Variants in ZIM2 observed in about 807,000 individuals in gnomAD.
The protein encoded by ZIM2 is zinc finger protein 656.
A neutral mutation model predicts 38.6 loss-of-function variants in ZIM2; 14 were observed. The observed-to-expected ratio is 0.36, with a 90% confidence interval of 0.24 to 0.57. ZIM2 has a LOEUF of 0.57. Ranked by LOEUF, ZIM2 falls within the 20% of genes least tolerant of loss-of-function variation. The pLI, the probability that ZIM2 is intolerant of heterozygous loss-of-function variation, is 0.81. For synonymous variants in ZIM2, 247 were observed against 245.8 expected (o/e 1.00, Z -0.04); for missense variants, 680 against 695.1 (o/e 0.98, Z 0.24).
chr19:56,838,603 C>T (rs1380512959), intron 1 of ZIM2, among the ~76,000 whole-genome samples: 1 of 152,200 alleles, frequency 6.6e-6, no homozygotes. Context: ...AGGGGTGAGC[C>T]TCTGCCACCG....
At chr19:56,818,305 T>C (rs2060169422) in intron 8 of ZIM2, among the ~76,000 whole-genome samples, 1 of 152,158 alleles carries the variant, frequency 6.6e-6, no homozygotes, top group African/African-American at 2.4e-5. Context: ...CCTGAATGTC[T>C]ACTTAAAAAC....
intron 9 of ZIM2, among the ~76,000 whole-genome samples, chr19:56,802,594 C>A (rs967328751): frequency 6.6e-6 from 1 of 152,202 alleles, no homozygotes; most frequent in African/African-American, 2.4e-5. Flanking sequence ...CTATGGTCCA[C>A]TCTGCCTCCA....
intron 10 of ZIM2, among the ~76,000 whole-genome samples, chr19:56,785,654 CTAT>C (rs1305068257): frequency 6.6e-6 from 1 of 152,176 alleles, no homozygotes; most frequent in African/African-American, 2.4e-5. Flanking sequence ...TTCATTTACA[CTAT>C]TTTCATTGTT....
intron 9 of ZIM2, chr19:56,815,416 C>A (rs200013268): frequency 6.2e-7 from 1 of 1,614,076 alleles, no homozygotes; most frequent in Non-Finnish European, 8.5e-7. Context: ...AGGGGCCAAG[C>A]TGCGAATGAC....
Position 56,824,309 on chromosome 19 carries a change from T to C in ZIM2, c.-32A>G. The stretch of plus-strand genomic sequence containing the variant: ...GTAATTCTCCAGCAGAGTGACGAGC[T>C]TCTCACAGTTCTCCGGCTTTTTTGC... On this transcript the variant is annotated 5_prime_UTR_variant, in exon 4 of 13. Coordinates refer to ENST00000629319, the MANE Select transcript of ZIM2 (RefSeq NM_001387356.1). 1 of 1,614,086 alleles carries C rather than the reference T, an allele frequency of 6.2e-7. No homozygotes were observed. Among genetic ancestry groups the C allele is most frequent in the Non-Finnish European group, 8.5e-7 (1 of 1,180,028 alleles).
chr19:56,825,165 C>T (rs909969784), intron 3 of ZIM2, among the ~76,000 whole-genome samples: 1 of 152,180 alleles, frequency 6.6e-6, no homozygotes, highest in African/African-American at 2.4e-5. Context: ...GACGTCAGCA[C>T]GTTTATTAGC....
At chr19:56,801,137 C>T (rs1237024531) in intron 9 of ZIM2, among the ~76,000 whole-genome samples, 1 of 151,912 alleles carries the variant, frequency 6.6e-6, no homozygotes, top group Admixed American at 6.6e-5. Flanking sequence ...GGGCATTCAT[C>T]ATGTTGGCCA....
intron 10 of ZIM2, among the ~76,000 whole-genome samples, chr19:56,788,476 C>A (rs889533851): frequency 6.6e-6 from 1 of 152,102 alleles, no homozygotes; most frequent in African/African-American, 2.4e-5. Context: ...TATTGACCTC[C>A]ACTCTCTTCT....
chr19:56,805,161 G>A (rs1297635524), intron 9 of ZIM2, among the ~76,000 whole-genome samples: 1 of 152,152 alleles, frequency 6.6e-6, no homozygotes, highest in Non-Finnish European at 1.5e-5. Context: ...GCATTATAGG[G>A]TATTGAGCAG....
intron 2 of ZIM2, among the ~76,000 whole-genome samples, chr19:56,830,363 C>T (rs1455399837): frequency 6.6e-6 from 1 of 152,312 alleles, no homozygotes; most frequent in Admixed American, 6.5e-5. Context: ...GGGGAGCCCA[C>T]AAGCAGTATT....
At chr19:56,823,751 G>C (rs1256432877) in intron 4 of ZIM2, 72 bp from the exon 5 acceptor site, 6 of 1,536,678 alleles carry the variant, frequency 3.9e-6, no homozygotes, top group Non-Finnish European at 5.4e-6. Context: ...CAATCCCTGA[G>C]CCGCATCTCC....
At position 56,815,821 on chromosome 19, in the gene ZIM2, T is replaced by G. The variant is rs774512500; in HGVS notation, c.490+1925A>C. ...ACAAGGGTTCTCTCTGGCAGGAATC[T>G]TCTGTCGCTTATCATTAAGGTCTGA... On this transcript the variant is annotated intron_variant, in intron 9 of 12. Coordinates refer to ENST00000629319, the MANE Select transcript of ZIM2 (RefSeq NM_001387356.1). 2.5e-6 allele frequency: 4 copies of G among 1,613,564 alleles called. No individual in the cohort carries two copies. The African/African-American group carries it at 5.3e-5, about 22-fold the overall frequency.
At chr19:56,829,908 A>G (rs899215389) in intron 2 of ZIM2, among the ~76,000 whole-genome samples, 5 of 152,236 alleles carry the variant, frequency 3.3e-5, no homozygotes, top group African/African-American at 1.2e-4. Context: ...CCATGGCAAC[A>G]GCCACGCCTA....
At chr19:56,785,955 ACCATCAC>A (rs2046576026) in intron 10 of ZIM2, among the ~76,000 whole-genome samples, 1 of 152,206 alleles carries the variant, frequency 6.6e-6, no homozygotes, top group Admixed American at 6.5e-5. Flanking sequence ...GAGTTGTGCA[ACCATCAC>A]CCCAATAAAT....
chr19:56,787,284 T>C (rs1245054044), intron 10 of ZIM2, among the ~76,000 whole-genome samples: 1 of 152,174 alleles, frequency 6.6e-6, no homozygotes, highest in Non-Finnish European at 1.5e-5. Flanking sequence ...TTTGGTTTTG[T>C]TTTTGTTTTT....
chr19:56,780,813 T>G (rs2046298395), intron 11 of ZIM2, among the ~76,000 whole-genome samples: 1 of 152,176 alleles, frequency 6.6e-6, no homozygotes, highest in African/African-American at 2.4e-5. Flanking sequence ...AAAGGAAAAT[T>G]GAAGAACTTC....
At chr19:56,820,134 A>C (rs995569077) in intron 7 of ZIM2, among the ~76,000 whole-genome samples, 1 of 152,248 alleles carries the variant, frequency 6.6e-6, no homozygotes, top group Non-Finnish European at 1.5e-5. Flanking sequence ...ATGACATCTT[A>C]ATGCATACAA....
intron 10 of ZIM2, among the ~76,000 whole-genome samples, chr19:56,784,782 C>G (rs889918722): frequency 6.6e-6 from 1 of 152,098 alleles, no homozygotes; most frequent in African/African-American, 2.4e-5. Context: ...TCTCTAAAGT[C>G]ATTTACACTC....
chr19:56,795,128 C>A (rs562343305), intron 9 of ZIM2, among the ~76,000 whole-genome samples: 142 of 152,154 alleles, frequency 9.3e-4, no homozygotes, highest in Admixed American at 2.0e-3. Context: ...AATCTTGGCT[C>A]ACTGCAACCC....
Sources: gnomAD v4.1 joint callset for allele counts (sites outside exome capture counted in the v4.1 genomes callset) on GRCh38, gnomAD v4.1.1 for gene constraint, MANE v1.5 for transcripts, NCBI Gene and HGNC (gene_info 2026-07-23, HGNC 2026-07-21) for gene names.